PPP1R9A: variants seen among roughly 807,000 people sequenced by gnomAD.
PPP1R9A encodes the protein neurabin-1.
PPP1R9A carries 59 observed loss-of-function variants against 141.9 expected under a neutral mutation model. That is an observed-to-expected ratio of 0.42 (90% CI 0.34 to 0.52). PPP1R9A has a LOEUF of 0.52. Among genes scored for constraint, PPP1R9A ranks in the 20% least tolerant of loss-of-function variants. PPP1R9A has a pLI of 0.10. For synonymous variants in PPP1R9A, 500 were observed against 569.7 expected (o/e 0.88, Z 1.74); for missense variants, 1,444 against 1,611.9 (o/e 0.90, Z 1.78).
intron 5 of PPP1R9A, among the ~76,000 whole-genome samples, chr7:95,164,628 A>G (rs1254103242): frequency 6.6e-6 from 1 of 151,554 alleles, no homozygotes; most frequent in East Asian, 1.9e-4. Context: ...TCCTGGGCAT[A>G]TCCTCTAGAA....
intron 4 of PPP1R9A, among the ~76,000 whole-genome samples, chr7:95,132,424 CCTGT>C (rs1824822082): frequency 6.6e-6 from 1 of 152,000 alleles, no homozygotes; most frequent in African/African-American, 2.4e-5. Flanking sequence ...AAAATTTTTC[CCTGT>C]CTGAGAAGAT....
chr7:95,185,378 A>ATTTTTTTTTTTTTTTTTTTTTTTTTT (rs147366122), intron 5 of PPP1R9A, among the ~76,000 whole-genome samples: 19 of 148,846 alleles, frequency 1.3e-4, no homozygotes, highest in African/African-American at 3.7e-4. Flanking sequence ...TTTTTATGGG[A>ATTTTTTTTTTTTTTTTTTTTTTTTTT]TTTTTTTTTT....
intron 2 of PPP1R9A, among the ~76,000 whole-genome samples, chr7:95,091,783 A>T (rs1817381059): frequency 6.7e-6 from 1 of 148,440 alleles, no homozygotes; most frequent in South Asian, 2.1e-4. Flanking sequence ...TATTCTATGT[A>T]GGGGTGCTTA....
chr7:95,011,941 T>C (rs527293315), intron 2 of PPP1R9A, among the ~76,000 whole-genome samples: 11 of 152,330 alleles, frequency 7.2e-5, no homozygotes, highest in African/African-American at 2.6e-4. Flanking sequence ...ATTAATGATA[T>C]ATAAAATATT....
intron 4 of PPP1R9A, chr7:95,156,441 G>T (rs1200734392): frequency 6.6e-6 from 1 of 152,354 alleles, no homozygotes; most frequent in Non-Finnish European, 1.5e-5. Context: ...CAAGCAGGGG[G>T]CATGTTTCAG....
intron 7 of PPP1R9A, among the ~76,000 whole-genome samples, chr7:95,224,096 G>C (rs1027602992): frequency 2.0e-5 from 3 of 152,016 alleles, no homozygotes; most frequent in African/African-American, 7.2e-5. Flanking sequence ...TGACCAACCA[G>C]CTCCCATTCT....
chr7:94,942,342 G>A (rs1271876847), intron 2 of PPP1R9A, among the ~76,000 whole-genome samples: 14 of 152,148 alleles, frequency 9.2e-5, no homozygotes, highest in Admixed American at 9.2e-4. Flanking sequence ...ACTTGTCTAG[G>A]AATAAGTCAA....
intron 5 of PPP1R9A, among the ~76,000 whole-genome samples, chr7:95,191,186 A>G (rs1835444721): frequency 6.6e-6 from 1 of 152,166 alleles, no homozygotes; most frequent in Non-Finnish European, 1.5e-5. Context: ...AGATACCTAC[A>G]CTCCAAAGAA....
intron 8 of PPP1R9A, among the ~76,000 whole-genome samples, chr7:95,245,881 G>A (rs946186507): frequency 6.6e-6 from 1 of 152,136 alleles, no homozygotes; most frequent in Admixed American, 6.5e-5. Flanking sequence ...GCCGGTGAGG[G>A]TGCAAGGAGC....
intron 2 of PPP1R9A, among the ~76,000 whole-genome samples, chr7:94,998,926 G>A (rs1042505793): frequency 4.6e-5 from 7 of 151,978 alleles, no homozygotes; most frequent in Non-Finnish European, 8.8e-5. Flanking sequence ...ACTATGCCTG[G>A]CAAATGTTTG....
chr7:95,278,726 G>A (rs1056646656), intron 16 of PPP1R9A, among the ~76,000 whole-genome samples: 1 of 152,150 alleles, frequency 6.6e-6, no homozygotes, highest in African/African-American at 2.4e-5. Flanking sequence ...AAGTAAAATT[G>A]TTACTTAAAA....
Position 95,010,155 on chromosome 7 carries a change from G to C in PPP1R9A, c.1395+98647G>C, listed in dbSNP as rs1230109766. Among the ~76,000 whole-genome samples, 4 of 152,166 alleles carry C rather than the reference G, an allele frequency of 2.6e-5. No individual in the cohort carries two copies. In the South Asian group the frequency reaches 8.3e-4, roughly 32 times the overall value. ...GCCTGTAATCCCAGCACTTTAGGGG[G>C]CTGAGGCAGGAGGATCACTTGAGCT... On this transcript the variant is annotated intron_variant, in intron 2 of 19. Coordinates refer to ENST00000433360, the MANE Select transcript of PPP1R9A (RefSeq NM_001166160.2).
At chr7:95,088,077 C>T (rs1161736766) in intron 2 of PPP1R9A, among the ~76,000 whole-genome samples, 1 of 151,906 alleles carries the variant, frequency 6.6e-6, no homozygotes, top group African/African-American at 2.4e-5. Flanking sequence ...GAGCTTTATT[C>T]TGTGGCTTAT....
At chr7:94,911,562 T>G in intron 2 of PPP1R9A, 54 bp downstream of exon 2, 1 of 1,355,950 alleles carries the variant, frequency 7.4e-7, no homozygotes, top group African/African-American at 1.4e-5. Context: ...TACTAGGGCC[T>G]AATTGTATGT....
intron 2 of PPP1R9A, among the ~76,000 whole-genome samples, chr7:94,918,046 T>C (rs988947467): frequency 3.9e-5 from 6 of 152,206 alleles, no homozygotes; most frequent in African/African-American, 1.4e-4. Flanking sequence ...CTTTTTATGC[T>C]GTTATCTAAT....
intron 2 of PPP1R9A, among the ~76,000 whole-genome samples, chr7:95,077,373 T>A (rs1019941547): frequency 6.6e-6 from 1 of 152,134 alleles, no homozygotes; most frequent in African/African-American, 2.4e-5. Flanking sequence ...ATGAGGATCT[T>A]AGTTTACTTC....
At chr7:95,126,803 A>C (rs1381004436) in intron 4 of PPP1R9A, among the ~76,000 whole-genome samples, 1 of 152,182 alleles carries the variant, frequency 6.6e-6, no homozygotes, top group African/African-American at 2.4e-5. Flanking sequence ...TTGTCTTCTC[A>C]TGAGATAAAA....
intron 2 of PPP1R9A, among the ~76,000 whole-genome samples, chr7:94,978,021 A>G (rs762749202): frequency 2.0e-5 from 3 of 151,710 alleles, no homozygotes; most frequent in Admixed American, 1.3e-4. Flanking sequence ...TCGGCCTCCC[A>G]AAGTGCTGGG....
intron 7 of PPP1R9A, among the ~76,000 whole-genome samples, chr7:95,211,430 T>C (rs966375390): frequency 4.6e-5 from 7 of 152,170 alleles, no homozygotes; most frequent in Non-Finnish European, 1.0e-4. Context: ...TCATAGGTTT[T>C]CTTTAAATCC....
Sources: allele counts gnomAD v4.1 joint callset (sites outside exome capture counted in the v4.1 genomes callset), GRCh38; gene constraint gnomAD v4.1.1; transcripts MANE v1.5; gene names NCBI Gene and HGNC (gene_info 2026-07-23, HGNC 2026-07-21).